The following SAMMSON variants were observed in gnomAD, a reference collection of about 807,000 sequenced individuals.
The protein encoded by SAMMSON is survival associated mitochondrial melanoma specific oncogenic non-coding RNA, also known as long intergenic non-protein coding RNA 1212.
chr3:70,179,310 A>G (rs1701032599), intron 4 of SAMMSON, among the ~76,000 whole-genome samples: 1 of 152,152 alleles, frequency 6.6e-6, no homozygotes, highest in African/African-American at 2.4e-5. Context: ...AGGCACTTCT[A>G]CATTTCTTGG....
intron 4 of SAMMSON, among the ~76,000 whole-genome samples, chr3:70,240,897 A>G (rs1701661473): frequency 2.0e-5 from 3 of 152,202 alleles, no homozygotes; most frequent in South Asian, 4.1e-4. Flanking sequence ...GATAAGCAGT[A>G]TGAAAACACT....
chr3:70,000,224 C>A (rs2066900590), intron 1 of SAMMSON, among the ~76,000 whole-genome samples: 1 of 152,174 alleles, frequency 6.6e-6, no homozygotes, highest in African/African-American at 2.4e-5. Flanking sequence ...GCCCTAGACA[C>A]TGTCGTGGGA....
chr3:70,340,122 G>A (rs1702700107), intron 7 of SAMMSON, among the ~76,000 whole-genome samples: 1 of 151,766 alleles, frequency 6.6e-6, no homozygotes, highest in Admixed American at 6.6e-5. Context: ...GATGAAGCTG[G>A]AAACCATCAT....
intron 4 of SAMMSON, among the ~76,000 whole-genome samples, chr3:70,233,724 C>T (rs1454832986): frequency 2.6e-5 from 4 of 152,180 alleles, no homozygotes; most frequent in Admixed American, 1.3e-4. Flanking sequence ...TCTAAAATTT[C>T]ATGTAAACTG....
At chr3:70,102,867 G>C (rs1043990797) in intron 4 of SAMMSON, among the ~76,000 whole-genome samples, 2 of 152,138 alleles carry the variant, frequency 1.3e-5, no homozygotes, top group African/African-American at 4.8e-5. Context: ...CTTTGGCCCA[G>C]CCTTATTCCC....
At chr3:70,026,713 A>G (rs546208947) in intron 3 of SAMMSON, among the ~76,000 whole-genome samples, 124 of 152,352 alleles carry the variant, frequency 8.1e-4, no homozygotes, top group Middle Eastern at 3.4e-3. Context: ...ACGCAGTAAA[A>G]GGAGCAAGGG....
chr3:70,114,931 TG>T (rs1298780649), intron 4 of SAMMSON, among the ~76,000 whole-genome samples: 1 of 152,136 alleles, frequency 6.6e-6, no homozygotes, highest in Non-Finnish European at 1.5e-5. Context: ...CATTTTCTTT[TG>T]CTGAGCATTT....
At chr3:70,321,205 C>T (rs1403408803) in intron 7 of SAMMSON, among the ~76,000 whole-genome samples, 1 of 152,008 alleles carries the variant, frequency 6.6e-6, no homozygotes, top group Non-Finnish European at 1.5e-5. Context: ...TCAAGATAAA[C>T]ATCTGCATCA....
Position 70,231,834 on chromosome 3 carries a change from C to A in SAMMSON, n.508-17273C>A, listed in dbSNP as rs183409650. Among the ~76,000 whole-genome samples, 8 of 152,230 alleles carry A rather than the reference C, an allele frequency of 5.3e-5. No individual in the cohort carries two copies. The East Asian group carries it at 7.7e-4, about 15-fold the overall frequency. ...GGACCAGGAGTCACAAAAATAAATT[C>A]TCATCTGGAAGCTACTAAACAGGCC... On this transcript the variant is annotated intron_variant and non_coding_transcript_variant, in intron 4 of 9. Coordinates refer to ENST00000642114, the Ensembl canonical transcript of SAMMSON.
intron 6 of SAMMSON, among the ~76,000 whole-genome samples, chr3:70,290,645 G>A (rs1702226986): frequency 6.6e-6 from 1 of 152,188 alleles, no homozygotes; most frequent in Admixed American, 6.5e-5. Flanking sequence ...AATGGCGGGC[G>A]CCCCTCCCCT....
chr3:70,009,230 G>T (rs538635777), intron 1 of SAMMSON: 1 of 152,190 alleles, frequency 6.6e-6, no homozygotes, highest in African/African-American at 2.4e-5. Context: ...GCTCCTCCTT[G>T]TACCTCTGGT....
intron 4 of SAMMSON, chr3:70,120,148 C>T (rs1420363607): frequency 6.6e-6 from 1 of 152,144 alleles, no homozygotes; most frequent in African/African-American, 2.4e-5. Context: ...AAAAGTGTAT[C>T]TGTGTACATG....
intron 7 of SAMMSON, among the ~76,000 whole-genome samples, chr3:70,337,898 T>G (rs1702678080): frequency 6.6e-6 from 1 of 151,840 alleles, no homozygotes; most frequent in Non-Finnish European, 1.5e-5. Flanking sequence ...TATTAAATAT[T>G]TAAAATTTAA....
At chr3:70,366,467 T>G (rs1702920264) in intron 9 of SAMMSON, among the ~76,000 whole-genome samples, 1 of 150,342 alleles carries the variant, frequency 6.7e-6, no homozygotes, top group Non-Finnish European at 1.5e-5. Context: ...TCTGTTTTTT[T>G]GTTTTGTTTC....
At chr3:70,054,417 G>T (rs570425695) in intron 3 of SAMMSON, among the ~76,000 whole-genome samples, 2 of 152,204 alleles carry the variant, frequency 1.3e-5, no homozygotes, top group East Asian at 1.9e-4. Flanking sequence ...ACTAATCAAA[G>T]AAATCTGTAC....
chr3:70,284,539 C>A (rs1008135492), intron 6 of SAMMSON, among the ~76,000 whole-genome samples: 1 of 152,076 alleles, frequency 6.6e-6, no homozygotes, highest in African/African-American at 2.4e-5. Flanking sequence ...AAATGTGGTA[C>A]ATATACACCA....
At chr3:70,089,010 G>C (rs1343813569) in intron 4 of SAMMSON, among the ~76,000 whole-genome samples, 1 of 152,124 alleles carries the variant, frequency 6.6e-6, no homozygotes, top group Non-Finnish European at 1.5e-5. Flanking sequence ...GAGCAGACCA[G>C]GGTCTGCTCA....
chr3:70,340,136 G>T (rs1461370338), intron 7 of SAMMSON, among the ~76,000 whole-genome samples: 1 of 150,670 alleles, frequency 6.6e-6, no homozygotes, highest in African/African-American at 2.4e-5. Context: ...CCATCATTTT[G>T]GGCAAACAGA....
intron 4 of SAMMSON, among the ~76,000 whole-genome samples, chr3:70,164,998 TATGTAC>T (rs1220746941): frequency 2.0e-5 from 3 of 152,028 alleles, no homozygotes; most frequent in African/African-American, 4.8e-5. Flanking sequence ...TGTTTCAAGA[TATGTAC>T]AGATAGATTT....
Sources: gnomAD v4.1 joint callset for allele counts (sites outside exome capture counted in the v4.1 genomes callset) on GRCh38, gnomAD v4.1.1 for gene constraint, MANE v1.5 for transcripts, NCBI Gene and HGNC (gene_info 2026-07-23, HGNC 2026-07-21) for gene names.